NPIPB2: variants seen among roughly 807,000 people sequenced by gnomAD.
NPIPB2 encodes nuclear pore complex interacting protein family member B2.
In NPIPB2, 27 loss-of-function variants were observed where a neutral mutation model predicts 30.8. The observed-to-expected ratio is 0.88, with a 90% CI of 0.65 to 1.21. NPIPB2 has a LOEUF of 1.21. NPIPB2 is among the 50% of genes most tolerant of loss of function. The pLI is 0.00. For synonymous variants in NPIPB2, 147 were observed against 162.0 expected (o/e 0.91, Z 0.70); for missense variants, 440 against 446.2 (o/e 0.99, Z 0.13).
At chr16:11,960,353 C>CTTTT (rs35099223) in intron 1 of NPIPB2, among the ~76,000 whole-genome samples, 4 of 126,370 alleles carry the variant, frequency 3.2e-5, no homozygotes, top group Admixed American at 1.7e-4. Flanking sequence ...GTATGGTTCC[C>CTTTT]TTTTTTTTTT....
Position 11,961,021 on chromosome 16 carries a change from C to T in NPIPB2, c.-584+15547G>A, listed in dbSNP as rs565401226. Among the ~76,000 whole-genome samples the T allele has an allele frequency of 1.2e-3, 179 of 152,102 alleles. 2 individuals are homozygous for T. Among genetic ancestry groups the T allele is most frequent in the Admixed American group, 2.7e-3 (41 of 15,246 alleles). On this transcript the variant is annotated intron_variant, in intron 1 of 5. Coordinates refer to the NPIPB2 transcript ENST00000538896. ...AGCTGGGATTATGCACGCCACCACGCTTGGCTAATTTTTGTATTTTTAGTA... is the reference window on the plus strand; with the variant it reads ...AGCTGGGATTATGCACGCCACCACGTTTGGCTAATTTTTGTATTTTTAGTA...
At chr16:11,938,377 C>T (rs1048532299) in intron 1 of NPIPB2, among the ~76,000 whole-genome samples, 2 of 152,006 alleles carry the variant, frequency 1.3e-5, no homozygotes, top group African/African-American at 4.8e-5. Flanking sequence ...GTCACCCAGG[C>T]TGGAGTGCAG....
intron 4 of NPIPB2, among the ~76,000 whole-genome samples, chr16:11,931,643 C>T (rs2054791544): frequency 6.8e-6 from 1 of 147,906 alleles, no homozygotes; most frequent in African/African-American, 2.5e-5. Flanking sequence ...GACATCACTA[C>T]TCCTGCTGTG....
chr16:11,946,193 C>G (rs1006858883), upstream of NPIPB2, among the ~76,000 whole-genome samples: 1 of 151,850 alleles, frequency 6.6e-6, no homozygotes, highest in Non-Finnish European at 1.5e-5. Context: ...CAAGACCAGC[C>G]TGACCAACAT....
At chr16:11,949,895 A>G (rs76411346) in intron 1 of NPIPB2, among the ~76,000 whole-genome samples, 1,870 of 152,314 alleles carry the variant, frequency 0.012, 38 homozygotes, top group African/African-American at 0.043. Flanking sequence ...TCTAAGATCT[A>G]TCTGCTTTGG....
At chr16:11,976,535 C>T (rs1005633734) in intron 1 of NPIPB2, 15 of 351,844 alleles carry the variant, frequency 4.3e-5, no homozygotes, top group Non-Finnish European at 7.1e-5. Context: ...CACTTGGGGA[C>T]AGCGACGCCT....
intron 1 of NPIPB2, among the ~76,000 whole-genome samples, chr16:11,950,068 C>T (rs574180417): frequency 6.6e-6 from 1 of 152,234 alleles, no homozygotes; most frequent in East Asian, 1.9e-4. Context: ...TGGAGTCTCG[C>T]TCTGTCACCC....
At chr16:11,950,466 G>A (rs539228695) in intron 1 of NPIPB2, among the ~76,000 whole-genome samples, 12 of 152,256 alleles carry the variant, frequency 7.9e-5, no homozygotes, top group African/African-American at 2.2e-4. Context: ...CACCATGCCC[G>A]CTAAGCCTTG....
upstream of NPIPB2, among the ~76,000 whole-genome samples, chr16:11,946,287 A>T (rs545791898): frequency 6.0e-3 from 880 of 145,640 alleles, 13 homozygotes; most frequent in African/African-American, 0.021. Context: ...TGGGAGGCTG[A>T]GGCAGGAGAA....
intron 1 of NPIPB2, chr16:11,966,486 T>C: frequency 1.2e-6 from 1 of 825,458 alleles, no homozygotes; most frequent in Non-Finnish European, 1.8e-6. Flanking sequence ...TAAATGAACT[T>C]GGTAGAGGTG....
At chr16:11,963,120 C>A (rs2055166346) in intron 1 of NPIPB2, among the ~76,000 whole-genome samples, 1 of 152,110 alleles carries the variant, frequency 6.6e-6, no homozygotes, top group African/African-American at 2.4e-5. Context: ...TGGCTCATGC[C>A]TGTAATCCCA....
chr16:11,942,341 T>G (rs1338167709), upstream of NPIPB2, among the ~76,000 whole-genome samples: 1 of 148,690 alleles, frequency 6.7e-6, no homozygotes, highest in East Asian at 2.0e-4. Flanking sequence ...GACATAAACA[T>G]AAGAAAGAAT....
chr16:11,976,374 T>C (rs144911859), intron 1 of NPIPB2, among the ~76,000 whole-genome samples: 153 of 152,326 alleles, frequency 1.0e-3, no homozygotes, highest in African/African-American at 3.5e-3. Flanking sequence ...GTCGCCTCCT[T>C]AGAGAGGCCC....
At chr16:11,971,969 A>AC (rs1418488669) in intron 1 of NPIPB2, among the ~76,000 whole-genome samples, 3 of 151,290 alleles carry the variant, frequency 2.0e-5, no homozygotes, top group Admixed American at 1.3e-4. Flanking sequence ...ACATAGTGAA[A>AC]CCCCATCTCT....
intron 1 of NPIPB2, chr16:11,968,126 G>A (rs2055210949): frequency 2.7e-6 from 1 of 365,390 alleles, no homozygotes; most frequent in Non-Finnish European, 5.0e-6. Flanking sequence ...CAGTGTGGGG[G>A]GTGAGGGTGG....
chr16:11,936,466 C>T (rs1365922965), intron 2 of NPIPB2, among the ~76,000 whole-genome samples: 1 of 148,818 alleles, frequency 6.7e-6, no homozygotes, highest in African/African-American at 2.5e-5. Context: ...TGCCAAATGA[C>T]GTGTAATTAT....
intron 1 of NPIPB2, chr16:11,967,658 G>A (rs183187632): frequency 6.6e-5 from 107 of 1,614,152 alleles, no homozygotes; most frequent in Admixed American, 4.8e-4. Context: ...TCGAGTACAC[G>A]GTGGAAGAAT....
intron 1 of NPIPB2, chr16:11,963,911 T>A (rs9929272): frequency 1.3e-4 from 20 of 152,100 alleles, no homozygotes; most frequent in African/African-American, 4.8e-4. Flanking sequence ...GGCGCATGTC[T>A]GTAGTCCCAG....
chr16:11,959,932 C>T (rs2055141602), intron 1 of NPIPB2, among the ~76,000 whole-genome samples: 1 of 152,086 alleles, frequency 6.6e-6, no homozygotes, highest in Non-Finnish European at 1.5e-5. Context: ...CGCACTACCA[C>T]ACCTGGCTAA....
Sources: allele counts gnomAD v4.1 joint callset (sites outside exome capture counted in the v4.1 genomes callset), GRCh38; gene constraint gnomAD v4.1.1; transcripts MANE v1.5; gene names NCBI Gene and HGNC (gene_info 2026-07-23, HGNC 2026-07-21).